The following TRAK1 variants were observed in gnomAD, a reference collection of about 807,000 sequenced individuals.
TRAK1 encodes trafficking kinesin protein 1, also known as trafficking kinesin-binding protein 1.
TRAK1 carries 33 observed loss-of-function variants against 92.1 expected under a neutral mutation model. The ratio of observed to expected loss-of-function variants is 0.36; its 90% CI spans 0.27 to 0.48. The LOEUF (loss-of-function observed/expected upper bound fraction) is 0.48. Among genes scored for constraint, TRAK1 ranks in the 20% least tolerant of loss-of-function variants. The pLI, the probability that TRAK1 is intolerant of heterozygous loss-of-function variation, is 0.99. For missense variants in TRAK1, 1,123 were observed against 1,257.9 expected (o/e 0.89, Z 1.62); for synonymous variants, 521 against 517.3 (o/e 1.01, Z -0.10).
rs1457885945 is a variant in TRAK1, at chr3:42,194,944, G to A, written c.1113+3G>A. ...ACTCACTGGGCCTGTTTCCCATGGT[G>A]AGCTGTGCTTTCTTCCCAGCCAGAG... On this transcript the variant is annotated splice_donor_region_variant and intron_variant, in intron 10 of 15. Transcript: ENST00000327628. 3 of 1,613,506 alleles carry A rather than the reference G, an allele frequency of 1.9e-6. No homozygotes were observed. In the Admixed American group the frequency reaches 5.0e-5, roughly 27 times the overall value.
intron 1 of TRAK1, among the ~76,000 whole-genome samples, chr3:42,040,733 A>G (rs1702507956): frequency 6.6e-6 from 1 of 150,578 alleles, no homozygotes; most frequent in Non-Finnish European, 1.5e-5. Flanking sequence ...CTAGAAGCGC[A>G]GTGGCACGGA....
chr3:42,042,681 A>G (rs1447509371), intron 1 of TRAK1, among the ~76,000 whole-genome samples: 3 of 151,846 alleles, frequency 2.0e-5, no homozygotes, highest in African/African-American at 7.3e-5. Context: ...TGGAACTTTT[A>G]TTTTTTTCAA....
intron 1 of TRAK1, among the ~76,000 whole-genome samples, chr3:42,076,085 C>G (rs1704142204): frequency 6.6e-6 from 1 of 151,876 alleles, no homozygotes; most frequent in African/African-American, 2.4e-5. Context: ...CTCAGGTGAT[C>G]CACCCGCCTC....
At chr3:42,196,539 CTTT>C (rs35807078) in intron 10 of TRAK1, among the ~76,000 whole-genome samples, 6 of 135,438 alleles carry the variant, frequency 4.4e-5, no homozygotes, top group Non-Finnish European at 7.9e-5. Flanking sequence ...TTCTCTTCTT[CTTT>C]TTTTTTTTTT....
At chr3:42,220,726 G>C in intron 15 of TRAK1, 1 of 478,868 alleles carries the variant, frequency 2.1e-6, no homozygotes. Context: ...ACTCGGCCTT[G>C]ATGGTCGATG....
intron 14 of TRAK1, among the ~76,000 whole-genome samples, chr3:42,214,903 T>G (rs921328613): frequency 2.0e-5 from 3 of 152,202 alleles, no homozygotes; most frequent in African/African-American, 7.2e-5. Flanking sequence ...TTTAAAAGTG[T>G]TATCTTGTAC....
chr3:42,021,936 T>C (rs1162633474), intron 1 of TRAK1, among the ~76,000 whole-genome samples: 3 of 152,274 alleles, frequency 2.0e-5, no homozygotes, highest in Non-Finnish European at 4.4e-5. Context: ...GAGGAAGCAT[T>C]TGTGTTAGCC....
At chr3:42,140,396 G>A (rs1470007089) in intron 2 of TRAK1, among the ~76,000 whole-genome samples, 1 of 152,174 alleles carries the variant, frequency 6.6e-6, no homozygotes, top group African/African-American at 2.4e-5. Context: ...TTGGGAGGCT[G>A]AGGCAGGCGG....
intron 6 of TRAK1, among the ~76,000 whole-genome samples, chr3:42,190,474 A>G (rs1705549637): frequency 6.6e-6 from 1 of 152,130 alleles, no homozygotes. Context: ...AAGTCTGCCT[A>G]GGTTTCCTCT....
At chr3:42,217,893 A>G in intron 14 of TRAK1, 1 of 984,400 alleles carries the variant, frequency 1.0e-6, no homozygotes, top group Non-Finnish European at 1.2e-6. Flanking sequence ...TACTTATTGG[A>G]GTTCCTGAGC....
chr3:42,038,242 A>G (rs1210419568), intron 1 of TRAK1, among the ~76,000 whole-genome samples: 1 of 152,178 alleles, frequency 6.6e-6, no homozygotes, highest in African/African-American at 2.4e-5. Flanking sequence ...TTTTAAATTC[A>G]TCTCTTTTCT....
At position 42,041,795 on chromosome 3, in the gene TRAK1, TTC is replaced by T. The variant is rs1402642598; in HGVS notation, c.-519+27680_-519+27681del. Among the ~76,000 whole-genome samples, 103 of 142,324 alleles carry T rather than the reference TTC, an allele frequency of 7.2e-4. 1 individual carries two copies. In the East Asian group the frequency reaches 0.012, roughly 16 times the overall value. 93.4% of individuals were successfully genotyped at this position (142,324 alleles called of 152,430 possible). A position where few individuals can be genotyped will look rare whatever the true frequency, so the allele number is the denominator to read the frequency against. ...CCTTCTATTTCTATTGTTTTTTTTT[TTC>T]TTTTCTTTTCTTTTTGAGACGGAGT... On this transcript the variant is annotated intron_variant, in intron 1 of 16. Coordinates refer to the TRAK1 transcript ENST00000487159.
intron 7 of TRAK1, among the ~76,000 whole-genome samples, chr3:42,192,418 ACTAAGTATTTTGCATTTCGTCAAAG>A (rs1352630724): frequency 3.9e-5 from 6 of 151,970 alleles, no homozygotes; most frequent in South Asian, 2.1e-4. Context: ...TCGTCAAAGT[ACTAAGTATTTTGCATTTCGTCAAAG>A]TACTAAGTAT....
intron 1 of TRAK1, among the ~76,000 whole-genome samples, chr3:42,023,332 T>A (rs1230247067): frequency 6.6e-6 from 1 of 152,126 alleles, no homozygotes; most frequent in African/African-American, 2.4e-5. Context: ...TCAAGTTGCA[T>A]CCACATTAGG....
chr3:42,088,611 C>T (rs1325672524), upstream of TRAK1, among the ~76,000 whole-genome samples: 1 of 152,298 alleles, frequency 6.6e-6, no homozygotes, highest in Middle Eastern at 3.4e-3. Flanking sequence ...TCTAGTTTTT[C>T]TTTTGTTCTC....
chr3:42,165,523 T>C (rs927307521), intron 2 of TRAK1, among the ~76,000 whole-genome samples: 5 of 152,122 alleles, frequency 3.3e-5, no homozygotes, highest in African/African-American at 4.8e-5. Context: ...GACTGGGCCC[T>C]GTGGGGGAAT....
chr3:42,076,216 C>CTTTTTT (rs3073733), intron 1 of TRAK1, among the ~76,000 whole-genome samples: 1 of 62,708 alleles, frequency 1.6e-5, no homozygotes, highest in Non-Finnish European at 2.6e-5. Flanking sequence ...GATATTAGAC[C>CTTTTTT]TTTTTTTTTT....
intron 14 of TRAK1, chr3:42,217,182 A>C (rs1485109570): frequency 3.4e-5 from 32 of 939,724 alleles, no homozygotes; most frequent in Non-Finnish European, 3.9e-5. Context: ...TGTAGCAAGC[A>C]TGAGGAGCCT....
chr3:42,117,154 C>T (rs1043189524), intron 1 of TRAK1, among the ~76,000 whole-genome samples: 4 of 152,138 alleles, frequency 2.6e-5, no homozygotes, highest in Non-Finnish European at 5.9e-5. Context: ...CTCTTGCTCT[C>T]ACCGCTCAGA....
Sources: gnomAD v4.1 joint callset for allele counts (sites outside exome capture counted in the v4.1 genomes callset) on GRCh38, gnomAD v4.1.1 for gene constraint, MANE v1.5 for transcripts, NCBI Gene and HGNC (gene_info 2026-07-23, HGNC 2026-07-21) for gene names.